Variants in GALNT13 observed in about 807,000 individuals in gnomAD.
GALNT13 encodes the protein polypeptide N-acetylgalactosaminyltransferase 13.
A neutral mutation model predicts 64.2 loss-of-function variants in GALNT13; 28 were observed. That is an observed-to-expected ratio of 0.44 (90% CI 0.32 to 0.60). The LOEUF is 0.60. Ranked by LOEUF, GALNT13 falls within the 20% of genes least tolerant of loss-of-function variation. GALNT13 has a pLI of 0.05. For missense variants in GALNT13, 577 were observed against 669.8 expected (o/e 0.86, Z 1.53); for synonymous variants, 214 against 224.6 (o/e 0.95, Z 0.42).
At chr2:153,755,770 G>A in the GALNT13 span, among the ~76,000 whole-genome samples, 1 of 151,940 alleles carries the variant, frequency 6.6e-6, no homozygotes, top group Admixed American at 6.6e-5. Flanking sequence ...CATTATTGTG[G>A]TTGGTTGTTT....
the GALNT13 span, among the ~76,000 whole-genome samples, chr2:153,549,530 A>G: frequency 6.6e-5 from 10 of 152,170 alleles, no homozygotes; most frequent in African/African-American, 2.4e-4. Context: ...TCCAAGAGAA[A>G]TTGTGGCTTG....
the GALNT13 span, among the ~76,000 whole-genome samples, chr2:153,860,390 G>A: frequency 1.6e-3 from 238 of 152,260 alleles, no homozygotes; most frequent in African/African-American, 5.4e-3. Flanking sequence ...CAGAACAATC[G>A]AGGGATAGAG....
intron 4 of GALNT13, among the ~76,000 whole-genome samples, chr2:154,237,337 T>C (rs1279507002): frequency 6.6e-6 from 1 of 151,714 alleles, no homozygotes; most frequent in African/African-American, 2.4e-5. Context: ...TTATCCTTTT[T>C]ATATCACAAA....
chr2:153,896,966 A>G (rs1038017639), intron 1 of GALNT13, among the ~76,000 whole-genome samples: 1 of 152,184 alleles, frequency 6.6e-6, no homozygotes, highest in East Asian at 1.9e-4. Flanking sequence ...TTCAGATTCA[A>G]CAGTTGTTTA....
the GALNT13 span, among the ~76,000 whole-genome samples, chr2:153,796,040 T>C: frequency 0.087 from 13,227 of 152,282 alleles, 620 homozygotes; most frequent in Middle Eastern, 0.14. Flanking sequence ...CTGTAGAGTG[T>C]TCTTAGTCCA....
chr2:154,185,780 T>TC, intron 4 of GALNT13, among the ~76,000 whole-genome samples: 1 of 152,142 alleles, frequency 6.6e-6, no homozygotes, highest in Middle Eastern at 3.4e-3. Context: ...AAGTTATGTT[T>TC]CTAAATGATT....
At chr2:154,197,823 G>A (rs1686959962) in intron 4 of GALNT13, among the ~76,000 whole-genome samples, 1 of 150,986 alleles carries the variant, frequency 6.6e-6, no homozygotes, top group Admixed American at 6.6e-5. Flanking sequence ...AACATACAAA[G>A]TCTAGTAAGT....
the GALNT13 span, among the ~76,000 whole-genome samples, chr2:153,595,383 AAAG>A: frequency 6.6e-6 from 1 of 151,916 alleles, no homozygotes; most frequent in South Asian, 2.1e-4. Context: ...CAATAAATGT[AAAG>A]AAGATATCTA....
chr2:153,475,498 A>C, the GALNT13 span, among the ~76,000 whole-genome samples: 1 of 152,224 alleles, frequency 6.6e-6, no homozygotes, highest in African/African-American at 2.4e-5. Context: ...AGAAATACTA[A>C]GAGGAACAAG....
At chr2:153,304,096 G>A in the GALNT13 span, among the ~76,000 whole-genome samples, 1 of 143,480 alleles carries the variant, frequency 7.0e-6, no homozygotes, top group East Asian at 2.0e-4. Context: ...GGTTGGTAAG[G>A]TAGACTGGAC....
the GALNT13 span, among the ~76,000 whole-genome samples, chr2:153,234,420 G>T: frequency 2.0e-5 from 3 of 152,098 alleles, no homozygotes; most frequent in Non-Finnish European, 4.4e-5. Context: ...GTGGCATCCT[G>T]GGCAGCTGTT....
At chr2:153,201,431 C>A in the GALNT13 span, among the ~76,000 whole-genome samples, 5 of 152,164 alleles carry the variant, frequency 3.3e-5, no homozygotes, top group Non-Finnish European at 7.3e-5. Flanking sequence ...CCTGCCAAGC[C>A]TATTCATTTA....
intron 2 of GALNT13, among the ~76,000 whole-genome samples, chr2:153,916,412 CT>C (rs1416825956): frequency 2.0e-5 from 3 of 152,100 alleles, no homozygotes; most frequent in Non-Finnish European, 4.4e-5. Context: ...CTGCCTCAGC[CT>C]CCCAAACTGC....
chr2:153,603,694 G>A, the GALNT13 span, among the ~76,000 whole-genome samples: 1 of 151,836 alleles, frequency 6.6e-6, no homozygotes, highest in Non-Finnish European at 1.5e-5. Flanking sequence ...ATTTTATTGA[G>A]GCTTTACAAA....
At chr2:153,374,191 A>G in the GALNT13 span, among the ~76,000 whole-genome samples, 1 of 152,186 alleles carries the variant, frequency 6.6e-6, no homozygotes, top group Admixed American at 6.5e-5. Flanking sequence ...TTGCAGCTGT[A>G]TCATTTTAAA....
the GALNT13 span, among the ~76,000 whole-genome samples, chr2:153,803,670 C>A: frequency 8.0e-6 from 1 of 125,150 alleles, no homozygotes; most frequent in African/African-American, 3.1e-5. Context: ...CCAGCCTGGG[C>A]GACAGATCGA....
chr2:153,511,713 T>C, the GALNT13 span, among the ~76,000 whole-genome samples: 402 of 152,294 alleles, frequency 2.6e-3, 2 homozygotes, highest in Non-Finnish European at 4.3e-3. Flanking sequence ...TTTGCCAGGG[T>C]TGTAGTTTTG....
chr2:153,978,189 A>G (rs969211365), intron 3 of GALNT13, among the ~76,000 whole-genome samples: 2 of 152,202 alleles, frequency 1.3e-5, no homozygotes, highest in African/African-American at 4.8e-5. Flanking sequence ...TGCTGCTTTC[A>G]TGCTAGGATT....
chr2:153,157,512 G>T, the GALNT13 span, among the ~76,000 whole-genome samples: 80 of 152,172 alleles, frequency 5.3e-4, no homozygotes, highest in African/African-American at 1.9e-3. Flanking sequence ...CAAGCTAAAC[G>T]TTACACAGCA....
Sources: gnomAD v4.1 joint callset for allele counts (sites outside exome capture counted in the v4.1 genomes callset) on GRCh38, gnomAD v4.1.1 for gene constraint, MANE v1.5 for transcripts, NCBI Gene and HGNC (gene_info 2026-07-23, HGNC 2026-07-21) for gene names.